FILIP1: variants seen among roughly 807,000 people sequenced by gnomAD.
The protein encoded by FILIP1 is filamin-A-interacting protein 1.
In FILIP1, 61 loss-of-function variants were observed where a neutral mutation model predicts 102.1. The ratio of observed to expected loss-of-function variants is 0.60; its 90% CI spans 0.49 to 0.74. The LOEUF is 0.74. FILIP1 is among the 30% of genes least tolerant of loss of function. The pLI is 0.00. For synonymous variants in FILIP1, 491 were observed against 526.9 expected (o/e 0.93, Z 0.93); for missense variants, 1,314 against 1,441.2 (o/e 0.91, Z 1.43).
intron 5 of FILIP1, among the ~76,000 whole-genome samples, chr6:75,311,349 CTTTT>C (rs35389881): frequency 7.2e-6 from 1 of 139,476 alleles, no homozygotes; most frequent in African/African-American, 2.6e-5. Flanking sequence ...CACCCAGCTA[CTTTT>C]TTTTTTTTTT....
chr6:75,348,059 T>TTA (rs202131569), intron 4 of FILIP1, among the ~76,000 whole-genome samples: 3,845 of 67,380 alleles, frequency 0.057, 182 homozygotes, highest in African/African-American at 0.19. Flanking sequence ...TCCACATCAG[T>TTA]TATACACACA....
chr6:75,415,075 C>T (rs900827139), intron 1 of FILIP1, 97 bp from the exon 2 acceptor site: 7 of 1,158,372 alleles, frequency 6.0e-6, no homozygotes, highest in Non-Finnish European at 8.6e-6. Context: ...TTTACCACAT[C>T]GCCAATAAGG....
chr6:75,324,011 G>A (rs958090740), intron 4 of FILIP1, among the ~76,000 whole-genome samples: 2 of 152,144 alleles, frequency 1.3e-5, no homozygotes, highest in African/African-American at 4.8e-5. Flanking sequence ...GCAGAACTGT[G>A]AGTAAATTAA....
At chr6:75,310,105 T>C (rs985552096) in intron 5 of FILIP1, among the ~76,000 whole-genome samples, 1 of 152,254 alleles carries the variant, frequency 6.6e-6, no homozygotes, top group Non-Finnish European at 1.5e-5. Flanking sequence ...TTTTGCCCCA[T>C]GCGCAACTGT....
At chr6:75,486,574 A>G (rs1244336940) in intron 1 of FILIP1, among the ~76,000 whole-genome samples, 1 of 152,172 alleles carries the variant, frequency 6.6e-6, no homozygotes, top group East Asian at 1.9e-4. Flanking sequence ...TGTTCCATAA[A>G]CAACTGCCTG....
chr6:75,395,644 C>G (rs1776436295), intron 2 of FILIP1, among the ~76,000 whole-genome samples: 1 of 152,134 alleles, frequency 6.6e-6, no homozygotes, highest in Non-Finnish European at 1.5e-5. Flanking sequence ...AATTTTTGAA[C>G]ACAAGTTTAC....
intron 4 of FILIP1, among the ~76,000 whole-genome samples, chr6:75,325,168 T>G (rs1006728821): frequency 2.0e-5 from 3 of 152,104 alleles, no homozygotes; most frequent in Admixed American, 1.3e-4. Flanking sequence ...ATAATCCCAG[T>G]ACTTTGGGAG....
At chr6:75,398,395 C>T (rs571561765) in intron 2 of FILIP1, among the ~76,000 whole-genome samples, 1 of 152,102 alleles carries the variant, frequency 6.6e-6, no homozygotes, top group African/African-American at 2.4e-5. Flanking sequence ...CATTTGTAAC[C>T]TTGCCTGCAA....
At chr6:75,420,513 A>C (rs1404092230) in intron 1 of FILIP1, among the ~76,000 whole-genome samples, 2 of 152,068 alleles carry the variant, frequency 1.3e-5, no homozygotes, top group African/African-American at 4.8e-5. Context: ...TTTCCATTCC[A>C]CTAGCCATGA....
At chr6:75,306,320 C>T (rs1772984472), downstream of FILIP1, among the ~76,000 whole-genome samples, 1 of 152,130 alleles carries the variant, frequency 6.6e-6, no homozygotes, top group Non-Finnish European at 1.5e-5. Context: ...ATGGTATAGA[C>T]TTCCTGGAAG....
intron 1 of FILIP1, among the ~76,000 whole-genome samples, chr6:75,440,833 C>T (rs1312737245): frequency 6.6e-6 from 1 of 151,866 alleles, no homozygotes; most frequent in Non-Finnish European, 1.5e-5. Flanking sequence ...CCTGTAATCC[C>T]AGCTACTTGG....
intron 2 of FILIP1, among the ~76,000 whole-genome samples, chr6:75,367,944 A>G (rs1775394126): frequency 6.6e-6 from 1 of 152,260 alleles, no homozygotes; most frequent in Non-Finnish European, 1.5e-5. Flanking sequence ...TTAAGATCCT[A>G]GGATGTGGGG....
chr6:75,401,339 G>A (rs1352173347), intron 2 of FILIP1, among the ~76,000 whole-genome samples: 1 of 151,990 alleles, frequency 6.6e-6, no homozygotes, highest in Non-Finnish European at 1.5e-5. Flanking sequence ...ACCATGTCTT[G>A]TTTTCTTCTT....
chr6:75,477,737 C>G (rs1037539682), intron 1 of FILIP1, among the ~76,000 whole-genome samples: 3 of 151,956 alleles, frequency 2.0e-5, no homozygotes, highest in African/African-American at 7.3e-5. Context: ...TTGTACACAT[C>G]CAGGCCTGAA....
At position 75,314,687 on chromosome 6, in the gene FILIP1, T is replaced by C; in HGVS notation, c.1145A>G (p.Asn382Ser). The C allele has an allele frequency of 1.2e-6, 2 of 1,613,914 alleles. No homozygotes were observed. Among genetic ancestry groups the C allele is most frequent in the Non-Finnish European group, 1.7e-6 (2 of 1,179,988 alleles). ...CATTTCAAGCACACGCTTTCGAAGATTTTCCACTTCTGCCATGAGGCTAGA... is the reference window on the plus strand; with the variant it reads ...CATTTCAAGCACACGCTTTCGAAGACTTTCCACTTCTGCCATGAGGCTAGA... ...GNSSLMAEVE[N>S]LRKRVLEMEG... Residue 382 changes from asparagine to serine, a missense_variant, in exon 5 of 6, where the codon AAT becomes AGT. This residue lies in a region of FILIP1 where 494 missense variants were observed against 511.2 expected (regional missense o/e 0.97). Coordinates refer to ENST00000237172, the MANE Select transcript of FILIP1 (RefSeq NM_015687.5).
intron 1 of FILIP1, among the ~76,000 whole-genome samples, chr6:75,449,420 C>T (rs1290739691): frequency 1.3e-5 from 2 of 152,030 alleles, no homozygotes; most frequent in Admixed American, 1.3e-4. Context: ...TCAGAATCAC[C>T]GCTAAAGAAC....
chr6:75,313,314 G>A lies in FILIP1; in HGVS notation c.2518C>T (p.Gln840Ter). The change falls in exon 5 of 6, where the codon CAG becomes TAG. Residue 840 changes from glutamine (Q) to a stop codon, truncating the protein, a stop_gained. Coordinates refer to ENST00000237172, the MANE Select transcript of FILIP1 (RefSeq NM_015687.5). LOFTEE classifies it high-confidence loss of function. This position sits in a 1 kb window ranked among gnomAD's most constrained non-coding sequence, Gnocchi z 4.2. ...TCCACGGGTTTCTTCAATCCCACCT[G>A]CCGAAGATTACTCATAATATGATTT... ...EENHIMSNLR[Q>*]VGLKKPVERS... 6.2e-7 allele frequency: 1 copy of A among 1,614,172 alleles called. No homozygotes were observed. Among genetic ancestry groups the A allele is most frequent in the Non-Finnish European group, 8.5e-7 (1 of 1,180,044 alleles).
chr6:75,320,487 G>A (rs1206005102), intron 4 of FILIP1, among the ~76,000 whole-genome samples: 2 of 152,080 alleles, frequency 1.3e-5, no homozygotes, highest in Non-Finnish European at 2.9e-5. Context: ...TGAGGTGGGA[G>A]GATCACCTGA....
intron 4 of FILIP1, among the ~76,000 whole-genome samples, chr6:75,317,297 A>C (rs1374582386): frequency 6.6e-6 from 1 of 152,248 alleles, no homozygotes; most frequent in African/African-American, 2.4e-5. Flanking sequence ...GACCTTGAGA[A>C]GCAGGATATA....
Sources: allele counts gnomAD v4.1 joint callset (sites outside exome capture counted in the v4.1 genomes callset), GRCh38; gene constraint gnomAD v4.1.1; regional missense constraint gnomAD v4.1.1; non-coding constraint Gnocchi (gnomAD v3.1); transcripts MANE v1.5; gene names NCBI Gene and HGNC (gene_info 2026-07-23, HGNC 2026-07-21).